SYTL5: variants seen among roughly 807,000 people sequenced by gnomAD.
SYTL5 encodes the protein synaptotagmin like 5.
A neutral mutation model predicts 55.9 loss-of-function variants in SYTL5; 34 were observed. The observed-to-expected ratio is 0.61, with a 90% confidence interval of 0.46 to 0.81. The LOEUF (loss-of-function observed/expected upper bound fraction) is 0.81, where lower values mean the gene tolerates loss of function less well. Among genes scored for constraint, SYTL5 ranks in the 30% least tolerant of loss-of-function variants. The pLI is 0.00. For synonymous variants in SYTL5, 221 were observed against 188.7 expected, an observed-to-expected ratio of 1.17 and a Z score of -1.40; for missense variants, 637 against 546.7, an observed-to-expected ratio of 1.17 and a Z score of -1.65.
intron 9 of SYTL5, among the ~76,000 whole-genome samples, chrX:38,101,426 A>T (rs1409500099): frequency 9.0e-6 from 1 of 111,296 alleles, no homozygotes; most frequent in Non-Finnish European, 1.9e-5. Context: ...TAGTTAAAAA[A>T]ATTCCCATGA....
intron 3 of SYTL5, among the ~76,000 whole-genome samples, chrX:38,069,641 T>A (rs1936200904): frequency 8.9e-6 from 1 of 112,183 alleles, no homozygotes; most frequent in South Asian, 3.7e-4. Context: ...TCTTCTTCCT[T>A]TGTGTTTAAG....
chrX:37,932,440 G>C, the SYTL5 span, among the ~76,000 whole-genome samples: 1 of 111,960 alleles, frequency 8.9e-6, no homozygotes, highest in Non-Finnish European at 1.9e-5. Flanking sequence ...GAGTTGAGGA[G>C]AGAGAATAAA....
In SYTL5 at chrX:38,106,601, T is replaced by G. The variant is rs766816162; in HGVS notation, c.1164T>G (p.Leu388=). The change falls in exon 11 of 17, where the codon CTT becomes CTG. Residue 388 remains leucine, a synonymous_variant. Transcript: ENST00000297875. ...CATCTTGTTTATTCCAGACCAGCCT[T>G]AACAGCATGATGAGCGTTTACAGTG... ...RLASGLSTTS[L]NSMMSVYSET... 1 of 1,198,470 alleles carries G rather than the reference T, an allele frequency of 8.3e-7. No individual in the cohort carries two copies. Among genetic ancestry groups the G allele is most frequent in the Non-Finnish European group, 1.1e-6 (1 of 889,827 alleles).
Position 38,039,391 on chromosome X carries a change from G to A in SYTL5, c.119+5383G>A, listed in dbSNP as rs763557732. Among the ~76,000 whole-genome samples the A allele has an allele frequency of 8.9e-5, 10 of 111,996 alleles. No individual in the cohort carries two copies. The South Asian group carries it at 1.1e-3, about 12-fold the overall frequency. On this transcript the variant is annotated intron_variant, in intron 2 of 16. Transcript: ENST00000297875. ...AATGGATAAAAATACTGACAGTTTC[G>A]AAGCACAAAATGGAAATCATTGTTG...
intron 10 of SYTL5, chrX:38,103,237 A>T: frequency 2.4e-6 from 1 of 420,204 alleles, no homozygotes; most frequent in South Asian, 5.2e-5. Flanking sequence ...TAAAAGATTG[A>T]TGAGATGATC....
upstream of SYTL5, among the ~76,000 whole-genome samples, chrX:38,001,928 A>G (rs779862220): frequency 9.0e-6 from 1 of 110,812 alleles, no homozygotes; most frequent in East Asian, 2.8e-4. Flanking sequence ...GGTTTGTTAC[A>G]TATGTATACA....
chrX:37,996,916 G>A, the SYTL5 span, among the ~76,000 whole-genome samples: 1 of 112,309 alleles, frequency 8.9e-6, no homozygotes, highest in East Asian at 2.8e-4. Flanking sequence ...CAAAGTGGCA[G>A]CTCACATACC....
intron 3 of SYTL5, among the ~76,000 whole-genome samples, chrX:38,061,510 G>T (rs1935944418): frequency 9.0e-6 from 1 of 111,713 alleles, no homozygotes; most frequent in Non-Finnish European, 1.9e-5. Flanking sequence ...TCTAAGAGAT[G>T]AGATGAGTCA....
At chrX:37,990,909 G>T in the SYTL5 span, 2 of 1,211,651 alleles carry the variant, frequency 1.7e-6, no homozygotes, top group Non-Finnish European at 1.1e-6. Context: ...TTCTAGAAAT[G>T]AGCTACAGGT....
chrX:38,101,735 G>T (rs1388790472), intron 9 of SYTL5, among the ~76,000 whole-genome samples: 1 of 107,584 alleles, frequency 9.3e-6, no homozygotes, highest in Non-Finnish European at 1.9e-5. Flanking sequence ...TCATTAATAT[G>T]TTAATGAGAG....
chrX:37,918,861 C>G, the SYTL5 span, among the ~76,000 whole-genome samples: 1 of 110,834 alleles, frequency 9.0e-6, no homozygotes, highest in Non-Finnish European at 1.9e-5. Context: ...ATTCTCATTC[C>G]AGTCATCCCG....
chrX:38,026,441 G>A (rs997857109), intron 1 of SYTL5, among the ~76,000 whole-genome samples: 6 of 111,103 alleles, frequency 5.4e-5, no homozygotes, highest in African/African-American at 2.0e-4. Context: ...GATCCCAAGA[G>A]TGGGTTCCTG....
intron 2 of SYTL5, among the ~76,000 whole-genome samples, chrX:38,048,678 C>G (rs915853838): frequency 1.8e-5 from 2 of 110,682 alleles, no homozygotes; most frequent in African/African-American, 6.6e-5. Flanking sequence ...ATAAAACCAT[C>G]AGATCTCATA....
At chrX:38,117,371 G>A (rs1937511143) in intron 13 of SYTL5, among the ~76,000 whole-genome samples, 3 of 111,698 alleles carry the variant, frequency 2.7e-5, no homozygotes, top group Admixed American at 9.5e-5. Context: ...ACATTGGTAA[G>A]TCCCAATAAT....
At chrX:37,997,843 G>T in the SYTL5 span, among the ~76,000 whole-genome samples, 2 of 112,189 alleles carry the variant, frequency 1.8e-5, no homozygotes, top group Admixed American at 9.3e-5. Context: ...TGCTTTATCT[G>T]GGCCCACCCA....
chrX:38,114,623 TG>T (rs1937440745), intron 13 of SYTL5, among the ~76,000 whole-genome samples: 1 of 112,215 alleles, frequency 8.9e-6, no homozygotes, highest in African/African-American at 3.2e-5. Context: ...TATTATGGAA[TG>T]GCTACATCAA....
chrX:38,043,684 T>TAC (rs1935368015), intron 2 of SYTL5, among the ~76,000 whole-genome samples: 1 of 72,676 alleles, frequency 1.4e-5, no homozygotes, highest in Non-Finnish European at 2.3e-5. Context: ...TATATATATA[T>TAC]ATATATACAT....
chrX:37,931,215 G>C, the SYTL5 span, among the ~76,000 whole-genome samples: 1 of 111,958 alleles, frequency 8.9e-6, no homozygotes, highest in Non-Finnish European at 1.9e-5. Context: ...ATATCAGAGA[G>C]AATTTGGCAT....
the SYTL5 span, among the ~76,000 whole-genome samples, chrX:37,896,690 G>A: frequency 2.7e-5 from 3 of 111,863 alleles, no homozygotes; most frequent in Admixed American, 1.9e-4. Flanking sequence ...AAATGTGAAT[G>A]AGGCCATTCT....
Sources: gnomAD v4.1 joint callset for allele counts (sites outside exome capture counted in the v4.1 genomes callset) on GRCh38, gnomAD v4.1.1 for gene constraint, MANE v1.5 for transcripts, NCBI Gene and HGNC (gene_info 2026-07-23, HGNC 2026-07-21) for gene names.